The following DNAH10 variants were observed in gnomAD, a reference collection of about 807,000 sequenced individuals.
The protein encoded by DNAH10 is dynein axonemal heavy chain 10, also known as axonemal beta dynein heavy chain 10.
A neutral mutation model predicts 506.6 loss-of-function variants in DNAH10; 348 were observed. That is an observed-to-expected ratio of 0.69 (90% CI 0.63 to 0.75). The LOEUF is 0.75. DNAH10 is among the 30% of genes least tolerant of loss of function. DNAH10 has a pLI of 0.00. For synonymous variants in DNAH10, 2,059 were observed against 2,198.6 expected (o/e 0.94, Z 1.78); for missense variants, 5,179 against 5,787.1 (o/e 0.89, Z 3.41).
chr12:123,783,399 A>G, intron 7 of DNAH10, 135 bp downstream of exon 7: 1 of 991,142 alleles, frequency 1.0e-6, no homozygotes. Context: ...CCATCAAAAT[A>G]AACACACCCA....
chr12:123,900,843 C>T (rs1953487567), intron 56 of DNAH10, among the ~76,000 whole-genome samples: 1 of 152,134 alleles, frequency 6.6e-6, no homozygotes, highest in Non-Finnish European at 1.5e-5. Context: ...TTGGGAGCCT[C>T]CAGCATGAGG....
intron 21 of DNAH10, among the ~76,000 whole-genome samples, chr12:123,816,154 T>C (rs1412752700): frequency 3.3e-5 from 5 of 152,220 alleles, no homozygotes; most frequent in Admixed American, 3.3e-4. Context: ...TGTCCCTGGT[T>C]CCTGGCGCAC....
rs768212278 is a variant in DNAH10, at chr12:123,916,516, G to A, written c.10782G>A (p.Gly3594=). The change falls in exon 63 of 79, where the codon GGG becomes GGA. Residue 3594 remains glycine, a synonymous_variant. Coordinates refer to ENST00000673944, the MANE Select transcript of DNAH10 (RefSeq NM_001372106.1). This position sits in a 1 kb window ranked among gnomAD's most constrained non-coding sequence, Gnocchi z 4.6. ...LKQLEMSIKY[G]TPFLFRDVDE... ...AGCTAGAGATGTCCATAAAGTACGG[G>A]ACCCCTTTCCTGTTCCGCGATGTTG... 4 of 1,613,706 alleles carry A rather than the reference G, an allele frequency of 2.5e-6. No individual in the cohort carries two copies. The highest frequency in any genetic ancestry group is 3.4e-6 in the Non-Finnish European group (4 of 1,179,866).
chr12:123,786,072 C>A, intron 9 of DNAH10, 136 bp downstream of exon 9: 2 of 1,077,006 alleles, frequency 1.9e-6, no homozygotes, highest in Non-Finnish European at 2.6e-6. Flanking sequence ...GCTCTTATGG[C>A]TGGGCACAGT....
At chr12:123,929,920 T>C in intron 72 of DNAH10, 161 bp downstream of exon 72, 1 of 663,546 alleles carries the variant, frequency 1.5e-6, no homozygotes, top group East Asian at 2.7e-5. Flanking sequence ...GGTTGTTCTT[T>C]GTCCTAAGTG....
chr12:123,786,281 C>T (rs1489613315), intron 9 of DNAH10, among the ~76,000 whole-genome samples: 2 of 149,092 alleles, frequency 1.3e-5, no homozygotes, highest in African/African-American at 2.5e-5. Flanking sequence ...CACACCATTA[C>T]ATTCCAACCT....
chr12:123,838,161 G>A (rs1961374641), intron 28 of DNAH10, among the ~76,000 whole-genome samples: 1 of 151,638 alleles, frequency 6.6e-6, no homozygotes, highest in South Asian at 2.1e-4. Flanking sequence ...GGTGGGGTGG[G>A]GCTCATCAGT....
chr12:123,834,775 A>G (rs538619430), intron 27 of DNAH10, among the ~76,000 whole-genome samples: 32 of 152,288 alleles, frequency 2.1e-4, no homozygotes, highest in Admixed American at 5.2e-4. Context: ...ATGACACAAT[A>G]TATGATCCTT....
chr12:123,860,915 A>G (rs2136861462), intron 38 of DNAH10, 97 bp from the exon 39 acceptor site: 1 of 1,540,562 alleles, frequency 6.5e-7, no homozygotes, highest in Admixed American at 1.7e-5. Context: ...ATTTTGGATT[A>G]AAGTCAAAAC....
intron 37 of DNAH10, among the ~76,000 whole-genome samples, chr12:123,857,467 C>T (rs956778130): frequency 1.1e-4 from 16 of 152,354 alleles, no homozygotes; most frequent in East Asian, 3.9e-4. Context: ...CAGTGGCTTA[C>T]GCCTGTAATC....
At chr12:123,930,152 G>C in intron 72 of DNAH10, 1 of 517,578 alleles carries the variant, frequency 1.9e-6, no homozygotes, top group Non-Finnish European at 3.4e-6. Context: ...TTTGCCTGCT[G>C]CACAGGAGCT....
intron 24 of DNAH10, among the ~76,000 whole-genome samples, chr12:123,822,238 A>G (rs1011256959): frequency 1.3e-4 from 20 of 152,148 alleles, no homozygotes; most frequent in African/African-American, 3.9e-4. Context: ...TGCAAATGTC[A>G]TGTCATTTGG....
Position 123,913,403 on chromosome 12 carries a change from G to T in DNAH10, c.10352+88G>T, listed in dbSNP as rs185998054. The stretch of plus-strand genomic sequence containing the variant: ...TCGCCATGTTGATTCTTTATCTCAC[G>T]TTGTGTTTTTATGTGAAAACCATGT... On this transcript the variant is annotated intron_variant, in intron 60 of 78. Transcript: ENST00000673944. The surrounding 1 kb of genome is among the most constrained non-coding windows in gnomAD (Gnocchi z 5.1). The T allele has an allele frequency of 1.4e-5, 19 of 1,373,352 alleles. No individual in the cohort carries two copies. The Middle Eastern group carries it at 7.8e-4, about 56-fold the overall frequency. The allele number at this position is 1,373,352 out of a possible 1,614,324, so 85.1% of individuals were successfully genotyped here.
At chr12:123,832,465 ATG>A (rs1388975775) in intron 26 of DNAH10, among the ~76,000 whole-genome samples, 4 of 152,214 alleles carry the variant, frequency 2.6e-5, no homozygotes, top group Non-Finnish European at 4.4e-5. Flanking sequence ...TATACATATA[ATG>A]TACACATGTA....
Position 123,931,445 on chromosome 12 carries a change from C to T in DNAH10, c.12889C>T (p.His4297Tyr). The stretch of plus-strand genomic sequence containing the variant: ...GCAGGCGGCTCGAGACATGTGGGCT[C>T]ACCTGCTGGAGCTGCAGCCTCAGAC... ...YTQAARDMWA[H>Y]LLELQPQTGE... Residue 4297 changes from histidine to tyrosine, a missense_variant, in exon 74 of 79, where the codon CAC (histidine) becomes TAC (tyrosine). Transcript: ENST00000673944. 1.2e-6 allele frequency: 2 copies of T among 1,613,882 alleles called. No homozygotes were observed. The highest frequency in any genetic ancestry group is 1.7e-5 in the Admixed American group (1 of 60,012).
chr12:123,933,904 T>C (rs1049567178), intron 77 of DNAH10, among the ~76,000 whole-genome samples: 9 of 152,248 alleles, frequency 5.9e-5, no homozygotes, highest in Non-Finnish European at 1.3e-4. Flanking sequence ...TGGTTGGAAC[T>C]CTTTGATTAT....
intron 19 of DNAH10, 131 bp downstream of exon 19, chr12:123,809,084 T>C (rs1013424837): frequency 7.2e-6 from 8 of 1,111,356 alleles, no homozygotes; most frequent in Middle Eastern, 2.8e-4. Context: ...TGTGACTCAG[T>C]CATCCCCCAG....
At chr12:123,858,178 T>TA (rs576287559) in intron 37 of DNAH10, among the ~76,000 whole-genome samples, 34 of 151,654 alleles carry the variant, frequency 2.2e-4, no homozygotes, top group South Asian at 6.3e-4. Flanking sequence ...GAGTCACACT[T>TA]AAAAAAAAAT....
intron 19 of DNAH10, among the ~76,000 whole-genome samples, chr12:123,811,773 G>A (rs1958943564): frequency 6.6e-6 from 1 of 152,056 alleles, no homozygotes; most frequent in South Asian, 2.1e-4. Context: ...AAAGTGCTGG[G>A]ATTACAGGCG....
Sources: allele counts gnomAD v4.1 joint callset (sites outside exome capture counted in the v4.1 genomes callset), GRCh38; gene constraint gnomAD v4.1.1; non-coding constraint Gnocchi (gnomAD v3.1); transcripts MANE v1.5; gene names NCBI Gene and HGNC (gene_info 2026-07-23, HGNC 2026-07-21).